BCCIP: variants seen among roughly 807,000 people sequenced by gnomAD.
BCCIP encodes BRCA2 and CDKN1A interacting protein, also known as BRCA2 and CDKN1A-interacting protein.
BCCIP carries 23 observed loss-of-function variants against 32.8 expected under a neutral mutation model. That is an observed-to-expected ratio of 0.70 (90% CI 0.51 to 0.99). The LOEUF (loss-of-function observed/expected upper bound fraction) is 0.99, where lower values mean the gene tolerates loss of function less well. Ranked by LOEUF, BCCIP falls within the 50% of genes least tolerant of loss-of-function variation. The pLI, the probability that BCCIP is intolerant of heterozygous loss-of-function variation, is 0.00. For synonymous variants in BCCIP, 144 were observed against 137.6 expected, an observed-to-expected ratio of 1.05 and a Z score of -0.33; for missense variants, 378 against 379.8, an observed-to-expected ratio of 1.00 and a Z score of 0.04.
downstream of BCCIP, chr10:125,838,202 T>C: frequency 6.3e-7 from 1 of 1,576,260 alleles, no homozygotes; most frequent in Non-Finnish European, 8.6e-7. Flanking sequence ...TCCATTAAAC[T>C]TACAGTTCAG....
At chr10:125,852,278 G>A in intron 7 of BCCIP, 6 of 1,611,086 alleles carry the variant, frequency 3.7e-6, no homozygotes, top group Non-Finnish European at 5.1e-6. Context: ...GGCTGACATG[G>A]GAGCATAAGG....
At chr10:125,825,192 C>G (rs145291979) in intron 1 of BCCIP, among the ~76,000 whole-genome samples, 1 of 152,214 alleles carries the variant, frequency 6.6e-6, no homozygotes, top group Non-Finnish European at 1.5e-5. Context: ...GGACAGGGCT[C>G]TTTTCTACAA....
exon 8 of BCCIP, chr10:125,853,395 A>T: frequency 2.3e-6 from 1 of 437,924 alleles, no homozygotes. Context: ...AGAGTTTGAG[A>T]TACCTTGTTT....
chr10:125,840,134 T>TA, downstream of BCCIP, among the ~76,000 whole-genome samples: 1 of 152,362 alleles, frequency 6.6e-6, no homozygotes, highest in African/African-American at 2.4e-5. Flanking sequence ...GGAGGGACCT[T>TA]ACTGGCTGCC....
chr10:125,830,905 G>A (rs1437951488), intron 4 of BCCIP, among the ~76,000 whole-genome samples: 1 of 152,168 alleles, frequency 6.6e-6, no homozygotes, highest in Non-Finnish European at 1.5e-5. Context: ...ACTGATGCAG[G>A]AGCTGTTTGT....
downstream of BCCIP, among the ~76,000 whole-genome samples, chr10:125,838,756 A>G (rs1406722050): frequency 6.6e-6 from 1 of 152,172 alleles, no homozygotes; most frequent in Non-Finnish European, 1.5e-5. Flanking sequence ...TGATGTAGGA[A>G]CCTTACTTTA....
At position 125,829,098 on chromosome 10, in the gene BCCIP, T is replaced by C. The variant is rs539377167; in HGVS notation, c.321+1460T>C. Among the ~76,000 whole-genome samples, 262 of 152,262 alleles carry C rather than the reference T, an allele frequency of 1.7e-3. 1 individual carries two copies. The highest frequency in any genetic ancestry group is 6.0e-3 in the African/African-American group (251 of 41,564). On this transcript the variant is annotated intron_variant, in intron 3 of 6. Coordinates refer to ENST00000278100, the MANE Select transcript of BCCIP (RefSeq NM_078468.3). Reference sequence around the variant, plus strand: ...AGGGCACATTGATCCCACCACTCCATGAGAAAAGTACCTAGGTCACTTTGT... The same window carrying C: ...AGGGCACATTGATCCCACCACTCCACGAGAAAAGTACCTAGGTCACTTTGT...
chr10:125,839,693 T>C (rs764659051), downstream of BCCIP, among the ~76,000 whole-genome samples: 26 of 152,226 alleles, frequency 1.7e-4, no homozygotes, highest in Non-Finnish European at 2.6e-4. Flanking sequence ...GAATTAATTA[T>C]GTTATAGTTA....
At chr10:125,846,807 G>A (rs1371937602), downstream of BCCIP, among the ~76,000 whole-genome samples, 3 of 152,114 alleles carry the variant, frequency 2.0e-5, no homozygotes, top group Non-Finnish European at 4.4e-5. Context: ...TCCCTTTCTT[G>A]GGCGTTTTCG....
chr10:125,829,918 C>T (rs1352982696), intron 3 of BCCIP, among the ~76,000 whole-genome samples: 2 of 152,188 alleles, frequency 1.3e-5, no homozygotes, highest in Admixed American at 1.3e-4. Context: ...CTTGAGGTGT[C>T]CTGAGGATAG....
Position 125,823,585 on chromosome 10 carries a change from G to C in BCCIP, c.28G>C (p.Val10Leu). MASRSKRRA[V>L]ESGVPQPPDP... is the part of the protein sequence containing the mutation. ...GGCGTCCAGGTCTAAGCGGCGTGCCGTGGAAAGTGGGGTTCCGCAGCCGCC... is the reference window on the plus strand; with the variant it reads ...GGCGTCCAGGTCTAAGCGGCGTGCCCTGGAAAGTGGGGTTCCGCAGCCGCC... Residue 10 changes from valine to leucine, a missense_variant, in exon 1 of 7, where the codon GTG becomes CTG. Transcript: ENST00000278100. 6.2e-7 allele frequency: 1 copy of C among 1,613,994 alleles called. No individual in the cohort carries two copies. Among genetic ancestry groups the C allele is most frequent in the Non-Finnish European group, 8.5e-7 (1 of 1,179,934 alleles).
At chr10:125,850,058 T>G (rs908712234) in intron 7 of BCCIP, among the ~76,000 whole-genome samples, 1 of 151,446 alleles carries the variant, frequency 6.6e-6, no homozygotes, top group Non-Finnish European at 1.5e-5. Context: ...CCTTGAACCC[T>G]GGACTCAAGT....
intron 4 of BCCIP, 31 bp downstream of exon 4, chr10:125,830,682 T>A (rs768148975): frequency 1.1e-5 from 16 of 1,404,478 alleles, no homozygotes; most frequent in African/African-American, 1.0e-4. Flanking sequence ...TCTGAATGGT[T>A]ATTTCTTAGG....
chr10:125,836,239 A>G lies in BCCIP; in HGVS notation c.910A>G (p.Ile304Val), dbSNP rs2134017427. Residue 304 changes from isoleucine to valine, a missense_variant, in exon 7 of 7, where the codon ATC (isoleucine) becomes GTC (valine). Transcript: ENST00000278100. Reference protein sequence around the residue: ...MLIPGDKMNEIMDKLKEYLSV With the variant: ...MLIPGDKMNEVMDKLKEYLSV ...AATTCCAGGCGACAAGATGAACGAA[A>G]TCATGGATAAACTGAAAGAATATCT... 2.5e-6 allele frequency: 4 copies of G among 1,614,198 alleles called. No homozygotes were observed. The highest frequency in any genetic ancestry group is 2.5e-6 in the Non-Finnish European group (3 of 1,180,008).
intron 7 of BCCIP, chr10:125,852,299 T>C: frequency 3.7e-6 from 6 of 1,613,976 alleles, no homozygotes; most frequent in Non-Finnish European, 5.1e-6. Context: ...CTACCTGGTC[T>C]GTTCATGAAG....
chr10:125,842,885 C>CAGT (rs1160276911), downstream of BCCIP: 2 of 623,172 alleles, frequency 3.2e-6, no homozygotes, highest in Non-Finnish European at 4.0e-6. Flanking sequence ...CAGTCTTTAC[C>CAGT]AAAGTTTTTA....
chr10:125,830,784 A>C lies in BCCIP; in HGVS notation c.411+133A>C, dbSNP rs139638371. 8.2e-4 allele frequency: 513 copies of C among 626,904 alleles called. 3 individuals carry two copies. In the East Asian group the frequency reaches 0.011, roughly 13 times the overall value. 38.8% of individuals were successfully genotyped at this position (626,904 alleles called of 1,614,324 possible). ...GGGATAAGTGCTCTTGTGAAATCTTATTGTAATCCTTTTTCAATATGAAGG... is the reference window on the plus strand; with the variant it reads ...GGGATAAGTGCTCTTGTGAAATCTTCTTGTAATCCTTTTTCAATATGAAGG... On this transcript the variant is annotated intron_variant, in intron 4 of 6. Coordinates refer to ENST00000278100, the MANE Select transcript of BCCIP (RefSeq NM_078468.3).
chr10:125,825,244 A>G (rs1854362163), intron 1 of BCCIP, among the ~76,000 whole-genome samples: 2 of 81,950 alleles, frequency 2.4e-5, no homozygotes, highest in African/African-American at 8.2e-5. Flanking sequence ...ATGAGCCCAT[A>G]CCCAGGAAAA....
chr10:125,834,020 T>A (rs769958701), intron 6 of BCCIP, 74 bp downstream of exon 6: 7 of 1,517,126 alleles, frequency 4.6e-6, no homozygotes, highest in Non-Finnish European at 6.4e-6. Context: ...GATTTATTGT[T>A]CTCCCACTTT....
Sources: gnomAD v4.1 joint callset for allele counts (sites outside exome capture counted in the v4.1 genomes callset) on GRCh38, gnomAD v4.1.1 for gene constraint, MANE v1.5 for transcripts, NCBI Gene and HGNC (gene_info 2026-07-23, HGNC 2026-07-21) for gene names.